Variants in GRM1 observed in about 807,000 individuals in gnomAD.
The protein encoded by GRM1 is glutamate metabotropic receptor 1.
GRM1 carries 33 observed loss-of-function variants against 90.9 expected under a neutral mutation model. The ratio of observed to expected loss-of-function variants is 0.36; its 90% confidence interval spans 0.28 to 0.49. GRM1 has a LOEUF of 0.49. Ranked by LOEUF, GRM1 falls within the 20% of genes least tolerant of loss-of-function variation. The pLI is 0.99. For synonymous variants in GRM1, 700 were observed against 613.2 expected (o/e 1.14, Z -2.09); for missense variants, 1,190 against 1,534.3 (o/e 0.78, Z 3.75).
intron 1 of GRM1, among the ~76,000 whole-genome samples, chr6:146,072,351 T>C (rs1776044143): frequency 6.6e-6 from 1 of 152,170 alleles, no homozygotes; most frequent in Non-Finnish European, 1.5e-5. Context: ...TACAGTGATG[T>C]TGTGATACCC....
intron 1 of GRM1, among the ~76,000 whole-genome samples, chr6:146,101,541 C>T (rs1050091266): frequency 6.6e-6 from 1 of 152,086 alleles, no homozygotes; most frequent in Non-Finnish European, 1.5e-5. Context: ...TCTTACCTTT[C>T]AGCCAGTCAT....
chr6:146,382,186 A>G (rs1481636075), intron 5 of GRM1, among the ~76,000 whole-genome samples: 1 of 152,166 alleles, frequency 6.6e-6, no homozygotes, highest in African/African-American at 2.4e-5. Context: ...GACAAAAATT[A>G]AACACTTATT....
intron 2 of GRM1, among the ~76,000 whole-genome samples, chr6:146,302,905 G>T (rs531540052): frequency 1.3e-5 from 2 of 151,994 alleles, no homozygotes; most frequent in East Asian, 3.9e-4. Flanking sequence ...AGGAAGGGAG[G>T]GAGGGAGGAA....
chr6:146,183,732 T>C (rs1018475834), intron 2 of GRM1, among the ~76,000 whole-genome samples: 1 of 152,154 alleles, frequency 6.6e-6, no homozygotes, highest in Non-Finnish European at 1.5e-5. Context: ...GATTGCTTGG[T>C]TTTATGTTGT....
chr6:146,128,397 T>C (rs1445026986), intron 1 of GRM1, among the ~76,000 whole-genome samples: 1 of 152,154 alleles, frequency 6.6e-6, no homozygotes, highest in East Asian at 1.9e-4. Context: ...TCCTTTAATT[T>C]ATCACCAAAC....
chr6:146,405,005 T>G (rs989319194), intron 7 of GRM1, among the ~76,000 whole-genome samples: 1 of 152,182 alleles, frequency 6.6e-6, no homozygotes, highest in Non-Finnish European at 1.5e-5. Context: ...ATACCAGTTA[T>G]GCGAGCTGAA....
chr6:146,358,680 C>A (rs1431913283), intron 5 of GRM1, among the ~76,000 whole-genome samples: 1 of 152,154 alleles, frequency 6.6e-6, no homozygotes, highest in Non-Finnish European at 1.5e-5. Flanking sequence ...GTCCCCAGGG[C>A]AAGAATCCAG....
At chr6:146,159,955 A>G (rs1369441285) in intron 2 of GRM1, 3 of 211,110 alleles carry the variant, frequency 1.4e-5, no homozygotes, top group East Asian at 2.3e-4. Flanking sequence ...GAAAAACAAG[A>G]GCAGAGCAGC....
chr6:146,359,001 G>A (rs1775348956), intron 5 of GRM1, among the ~76,000 whole-genome samples: 1 of 152,198 alleles, frequency 6.6e-6, no homozygotes, highest in Non-Finnish European at 1.5e-5. Flanking sequence ...CTCATGCCAT[G>A]GCTATGGTAA....
chr6:146,239,970 A>T (rs1003134030), intron 2 of GRM1, among the ~76,000 whole-genome samples: 23 of 152,108 alleles, frequency 1.5e-4, no homozygotes, highest in African/African-American at 4.6e-4. Context: ...TCACCTGCCT[A>T]TCAAGTGCTG....
chr6:146,242,930 A>G (rs1484879051), intron 2 of GRM1, among the ~76,000 whole-genome samples: 1 of 152,148 alleles, frequency 6.6e-6, no homozygotes, highest in African/African-American at 2.4e-5. Flanking sequence ...TTATCTATGG[A>G]GAATACGTAT....
At position 146,090,930 on chromosome 6, in the gene GRM1, A is replaced by G. The variant is rs540200023; in HGVS notation, c.700+60713A>G. The stretch of plus-strand genomic sequence containing the variant: ...TTCCTCTTCACCTCCTGAGTTTGGG[A>G]AAAAAAACCAAAAAGAGCATACAGG... On this transcript the variant is annotated intron_variant, in intron 1 of 7. Coordinates refer to ENST00000282753, the MANE Select transcript of GRM1 (RefSeq NM_001278064.2). Among the ~76,000 whole-genome samples the G allele has an allele frequency of 4.0e-4, 61 of 151,938 alleles. 1 individual carries two copies. Among genetic ancestry groups the G allele is most frequent in the Middle Eastern group, 3.4e-3 (1 of 294 alleles).
chr6:146,163,437 A>G (rs1046362944), intron 2 of GRM1, among the ~76,000 whole-genome samples: 2 of 152,218 alleles, frequency 1.3e-5, no homozygotes, highest in African/African-American at 2.4e-5. Context: ...AACTTTGCAC[A>G]TAACTCATTT....
intron 1 of GRM1, among the ~76,000 whole-genome samples, chr6:146,058,679 G>A (rs1775564804): frequency 6.6e-6 from 1 of 152,064 alleles, no homozygotes; most frequent in South Asian, 2.1e-4. Flanking sequence ...CTGTTTGATA[G>A]CATTTTACCC....
chr6:146,240,548 C>T (rs1176073509), intron 2 of GRM1, among the ~76,000 whole-genome samples: 2 of 152,100 alleles, frequency 1.3e-5, no homozygotes, highest in Non-Finnish European at 2.9e-5. Flanking sequence ...GGAAAAGAAT[C>T]TCCCTCTCCT....
chr6:146,226,881 T>C (rs1220825503), intron 2 of GRM1, among the ~76,000 whole-genome samples: 1 of 152,174 alleles, frequency 6.6e-6, no homozygotes, highest in East Asian at 1.9e-4. Context: ...CAGTATCTGT[T>C]ACTGCATTTG....
At chr6:146,259,425 C>T (rs1397436880) in intron 2 of GRM1, among the ~76,000 whole-genome samples, 1 of 152,128 alleles carries the variant, frequency 6.6e-6, no homozygotes, top group Admixed American at 6.6e-5. Context: ...ATTCATTTTG[C>T]ATAACTGAAA....
chr6:146,234,476 G>C (rs1316148863), intron 2 of GRM1, among the ~76,000 whole-genome samples: 2 of 151,640 alleles, frequency 1.3e-5, no homozygotes, highest in Admixed American at 1.3e-4. Flanking sequence ...ATTTATATCT[G>C]TCTGAATTTT....
In GRM1 at chr6:146,410,829, T is replaced by C. The variant is rs147353906; in HGVS notation, c.2660+11130T>C. Among the ~76,000 whole-genome samples, 331 of 152,324 alleles carry C rather than the reference T, an allele frequency of 2.2e-3. 2 individuals carry two copies. Among genetic ancestry groups the C allele is most frequent in the African/African-American group, 7.7e-3 (321 of 41,584 alleles). The stretch of plus-strand genomic sequence containing the variant: ...ATAAAAGGTTTCAGTAGGGTTGGTA[T>C]TCCTTATAAGGAATGTTTGTTTAGC... On this transcript the variant is annotated intron_variant, in intron 7 of 7. Transcript: ENST00000282753.
Sources: gnomAD v4.1 joint callset for allele counts (sites outside exome capture counted in the v4.1 genomes callset) on GRCh38, gnomAD v4.1.1 for gene constraint, MANE v1.5 for transcripts, NCBI Gene and HGNC (gene_info 2026-07-23, HGNC 2026-07-21) for gene names.